C1orf87: variants seen among roughly 807,000 people sequenced by gnomAD.
C1orf87 encodes the protein chromosome 1 open reading frame 87, also known as uncharacterized protein C1orf87.
Under a neutral mutation model 60.5 loss-of-function variants are expected in C1orf87, and 58 were observed. The observed-to-expected ratio is 0.96, with a 90% CI of 0.78 to 1.19. The LOEUF is 1.19. Ranked by LOEUF, C1orf87 falls within the 50% of genes most tolerant of loss-of-function variation. C1orf87 has a pLI of 0.00. For synonymous variants in C1orf87, 236 were observed against 227.4 expected (o/e 1.04, Z -0.34); for missense variants, 673 against 638.6 (o/e 1.05, Z -0.58).
At position 60,072,404 on chromosome 1, in the gene C1orf87, CTCTACTGTTGCA is replaced by C. The variant is rs1645590061; in HGVS notation, c.107+121_107+132del. The stretch of plus-strand genomic sequence containing the variant: ...ATGGAAGTTATCAACACGATTTTAC[CTCTACTGTTGCA>C]TCTTAATGACTTCGTTTTCCATGGA... On this transcript the variant is annotated intron_variant, in intron 2 of 11. Transcript: ENST00000371201. The C allele has an allele frequency of 3.0e-5, 18 of 606,470 alleles. No individual in the cohort carries two copies. The South Asian group carries it at 3.9e-4, about 13-fold the overall frequency. 37.6% of individuals were successfully genotyped at this position (606,470 alleles called of 1,614,324 possible).
intron 10 of C1orf87, among the ~76,000 whole-genome samples, chr1:60,000,852 G>T (rs1340292677): frequency 6.6e-6 from 1 of 151,964 alleles, no homozygotes; most frequent in African/African-American, 2.4e-5. Flanking sequence ...ACCACGTGAT[G>T]GCAATAGGTT....
At chr1:59,999,705 A>G (rs1200457543) in intron 10 of C1orf87, among the ~76,000 whole-genome samples, 10 of 152,096 alleles carry the variant, frequency 6.6e-5, no homozygotes, top group Non-Finnish European at 1.5e-5. Flanking sequence ...ACACAAAACC[A>G]TTTATATTCT....
intron 8 of C1orf87, among the ~76,000 whole-genome samples, chr1:60,024,454 G>C (rs1419026295): frequency 6.6e-6 from 1 of 152,130 alleles, no homozygotes; most frequent in African/African-American, 2.4e-5. Context: ...TCCTATGTGA[G>C]ATCTAAAAAT....
intron 9 of C1orf87, among the ~76,000 whole-genome samples, chr1:60,003,281 T>C (rs1645020055): frequency 8.1e-6 from 1 of 123,550 alleles, no homozygotes; most frequent in Admixed American, 1.0e-4. Context: ...TGAGATCACA[T>C]GGACACAGGA....
intron 2 of C1orf87, among the ~76,000 whole-genome samples, chr1:60,063,415 C>T (rs1396560054): frequency 1.3e-5 from 2 of 152,118 alleles, no homozygotes; most frequent in Non-Finnish European, 2.9e-5. Flanking sequence ...AAGTTACTCA[C>T]CACTTAACAG....
intron 2 of C1orf87, among the ~76,000 whole-genome samples, chr1:60,067,436 C>T (rs1299098087): frequency 2.6e-5 from 4 of 151,792 alleles, no homozygotes; most frequent in South Asian, 2.1e-4. Context: ...TATCTCATTA[C>T]GGTTTTGATT....
chr1:60,057,786 T>C (rs1009857406), intron 2 of C1orf87, among the ~76,000 whole-genome samples: 5 of 152,108 alleles, frequency 3.3e-5, no homozygotes, highest in African/African-American at 1.2e-4. Flanking sequence ...TAAGGGCAGA[T>C]GGTTTGGGAC....
intron 2 of C1orf87, among the ~76,000 whole-genome samples, chr1:60,070,251 G>T (rs1189127272): frequency 1.3e-5 from 2 of 152,174 alleles, no homozygotes; most frequent in East Asian, 1.9e-4. Flanking sequence ...CACATGTCTT[G>T]CAGGAAATCT....
intron 8 of C1orf87, among the ~76,000 whole-genome samples, chr1:60,017,579 T>A (rs1645132694): frequency 6.6e-6 from 1 of 152,190 alleles, no homozygotes; most frequent in Non-Finnish European, 1.5e-5. Context: ...CAATACAATT[T>A]TAGAGTATTA....
intron 7 of C1orf87, among the ~76,000 whole-genome samples, chr1:60,031,960 T>A (rs1475358316): frequency 2.0e-5 from 3 of 149,334 alleles, no homozygotes; most frequent in Middle Eastern, 6.8e-3. Context: ...TCATGAAATA[T>A]GCTTGCATGT....
chr1:60,017,348 A>C (rs996534265), intron 8 of C1orf87, among the ~76,000 whole-genome samples: 1 of 152,108 alleles, frequency 6.6e-6, no homozygotes, highest in Admixed American at 6.6e-5. Flanking sequence ...ATCTTCTAAA[A>C]TCCTCTGGTT....
At chr1:59,995,658 G>T (rs745620482) in intron 11 of C1orf87, among the ~76,000 whole-genome samples, 2 of 152,090 alleles carry the variant, frequency 1.3e-5, no homozygotes, top group African/African-American at 4.8e-5. Context: ...TCTTGGTCCC[G>T]GACCTCGCAT....
intron 5 of C1orf87, 92 bp from the exon 6 acceptor site, chr1:60,038,199 C>G: frequency 1.7e-6 from 1 of 602,872 alleles, no homozygotes; most frequent in Non-Finnish European, 2.7e-6. Flanking sequence ...CAAATTTTTA[C>G]CATCAAACAT....
chr1:60,008,049 A>G (rs1486395618), intron 9 of C1orf87, among the ~76,000 whole-genome samples: 1 of 152,052 alleles, frequency 6.6e-6, no homozygotes, highest in African/African-American at 2.4e-5. Flanking sequence ...AAGAGCATTT[A>G]GTCATCATAG....
At chr1:60,034,557 C>T (rs973805888) in intron 6 of C1orf87, among the ~76,000 whole-genome samples, 10 of 152,166 alleles carry the variant, frequency 6.6e-5, no homozygotes, top group Admixed American at 1.3e-4. Flanking sequence ...AGATAAAGCC[C>T]TAATTTGCTG....
intron 7 of C1orf87, among the ~76,000 whole-genome samples, chr1:60,032,745 G>A (rs754784205): frequency 7.9e-5 from 12 of 152,002 alleles, no homozygotes; most frequent in Non-Finnish European, 1.8e-4. Context: ...GCGAGACTCA[G>A]TTTTAAAAAT....
At chr1:60,066,900 C>A (rs1043990262) in intron 2 of C1orf87, among the ~76,000 whole-genome samples, 1 of 152,038 alleles carries the variant, frequency 6.6e-6, no homozygotes. Flanking sequence ...CATTGTTCAC[C>A]TCCCACTTAT....
intron 8 of C1orf87, 148 bp downstream of exon 8, chr1:60,025,253 G>C: frequency 1.8e-6 from 1 of 551,046 alleles, no homozygotes; most frequent in Non-Finnish European, 3.2e-6. Context: ...TTCATCATGG[G>C]GGTTTCACCT....
At chr1:60,029,637 G>GTTTTTTTTTT in intron 7 of C1orf87, among the ~76,000 whole-genome samples, 1 of 95,648 alleles carries the variant, frequency 1.0e-5, no homozygotes, top group Non-Finnish European at 1.9e-5. Flanking sequence ...GTCCCCCCAA[G>GTTTTTTTTTT]TTTTTTTTTT....
Sources: allele counts gnomAD v4.1 joint callset (sites outside exome capture counted in the v4.1 genomes callset), GRCh38; gene constraint gnomAD v4.1.1; transcripts MANE v1.5; gene names NCBI Gene and HGNC (gene_info 2026-07-23, HGNC 2026-07-21).